Variants in VPS13B observed in about 807,000 individuals in gnomAD.
The protein encoded by VPS13B is intermembrane lipid transfer protein VPS13B.
Under a neutral mutation model 426.4 loss-of-function variants are expected in VPS13B, and 285 were observed. The ratio of observed to expected loss-of-function variants is 0.67; its 90% CI spans 0.61 to 0.74. The LOEUF (loss-of-function observed/expected upper bound fraction) is 0.74, where lower values mean the gene tolerates loss of function less well. VPS13B is among the 30% of genes least tolerant of loss of function. The pLI is 0.00. For missense variants in VPS13B, 4,537 were observed against 4,782.6 expected, an observed-to-expected ratio of 0.95 and a Z score of 1.51; for synonymous variants, 1,676 against 1,676.4, an observed-to-expected ratio of 1.00 and a Z score of 0.01.
intron 19 of VPS13B, among the ~76,000 whole-genome samples, chr8:99,294,987 T>C (rs763297924): frequency 2.0e-5 from 3 of 152,174 alleles, no homozygotes; most frequent in Non-Finnish European, 4.4e-5. Flanking sequence ...TTTTAGTTGA[T>C]GTGTTAAAAA....
At chr8:99,415,896 G>A (rs1476096433) in intron 21 of VPS13B, among the ~76,000 whole-genome samples, 2 of 152,136 alleles carry the variant, frequency 1.3e-5, no homozygotes, top group Non-Finnish European at 2.9e-5. Flanking sequence ...CGGGGGTCGG[G>A]GACCCACTTG....
intron 22 of VPS13B, among the ~76,000 whole-genome samples, chr8:99,433,802 T>C (rs1817236614): frequency 6.6e-6 from 1 of 152,092 alleles, no homozygotes; most frequent in South Asian, 2.1e-4. Context: ...CAGTTAACTT[T>C]TTGTTTGTTT....
rs189142081 is a variant in VPS13B, at chr8:99,081,799, T to C, written c.292-14513T>C. On this transcript the variant is annotated intron_variant, in intron 3 of 61. Coordinates refer to ENST00000357162, the MANE Select transcript of VPS13B (RefSeq NM_152564.5). ...CTACAAAGGACATTAACTCATCATTTTTTATGGCTGCATAGTATTCCATCG... is the reference window on the plus strand; with the variant it reads ...CTACAAAGGACATTAACTCATCATTCTTTATGGCTGCATAGTATTCCATCG... 1.1e-3 allele frequency among the ~76,000 whole-genome samples: 161 copies of C among 152,250 alleles called. 2 individuals are homozygous for C. The East Asian group carries it at 0.03, about 28-fold the overall frequency.
intron 17 of VPS13B, among the ~76,000 whole-genome samples, chr8:99,202,068 T>C (rs769278863): frequency 1.3e-5 from 2 of 152,216 alleles, no homozygotes; most frequent in Non-Finnish European, 2.9e-5. Flanking sequence ...TCTAAAGATA[T>C]TACCTATGGA....
chr8:99,310,199 G>A (rs1820876038), intron 19 of VPS13B, among the ~76,000 whole-genome samples: 3 of 152,080 alleles, frequency 2.0e-5, no homozygotes, highest in Admixed American at 6.5e-5. Context: ...GATTGCCCTG[G>A]CCAGAACTTC....
At chr8:99,030,641 A>G (rs1842467933) in intron 2 of VPS13B, among the ~76,000 whole-genome samples, 1 of 152,228 alleles carries the variant, frequency 6.6e-6, no homozygotes, top group Admixed American at 6.5e-5. Context: ...TGCGTAAAGT[A>G]TATGATAATC....
At chr8:99,719,498 C>T (rs544319145) in intron 37 of VPS13B, among the ~76,000 whole-genome samples, 4 of 152,148 alleles carry the variant, frequency 2.6e-5, no homozygotes, top group Non-Finnish European at 5.9e-5. Context: ...TTAAAACTTA[C>T]CCACACGATA....
chr8:99,723,600 G>A (rs11782133), intron 39 of VPS13B, among the ~76,000 whole-genome samples: 3,467 of 152,118 alleles, frequency 0.023, 55 homozygotes, highest in Middle Eastern at 0.082. Context: ...GCACAGGCTA[G>A]ACCAAGGAGA....
chr8:99,397,645 G>A (rs1384364401), intron 21 of VPS13B, among the ~76,000 whole-genome samples: 1 of 152,134 alleles, frequency 6.6e-6, no homozygotes, highest in East Asian at 1.9e-4. Flanking sequence ...AAGCTATTAT[G>A]ATCTTTCAAG....
At chr8:99,177,688 C>T (rs955262235) in intron 16 of VPS13B, among the ~76,000 whole-genome samples, 2 of 152,156 alleles carry the variant, frequency 1.3e-5, no homozygotes, top group African/African-American at 4.8e-5. Context: ...TGATGCATTT[C>T]CAATTCCCTA....
chr8:99,075,946 T>C (rs1845096408), intron 3 of VPS13B, among the ~76,000 whole-genome samples: 1 of 152,172 alleles, frequency 6.6e-6, no homozygotes, highest in Non-Finnish European at 1.5e-5. Context: ...TTGAGAGTCA[T>C]CATTAGGTGG....
rs1249798166 is a variant in VPS13B, at chr8:99,743,269, C to T, written c.7050+22222C>T. Among the ~76,000 whole-genome samples, 5 of 152,000 alleles carry T rather than the reference C, an allele frequency of 3.3e-5. No individual in the cohort carries two copies. The East Asian group carries it at 5.8e-4, about 18-fold the overall frequency. On this transcript the variant is annotated intron_variant, in intron 39 of 61. Transcript: ENST00000357162. ...ACCTAGGAATCCAACTTACAAGGGA[C>T]ATGAAGGACCTCTTCAAGGAGAACT...
At chr8:99,146,131 G>A (rs1810714598) in intron 13 of VPS13B, among the ~76,000 whole-genome samples, 1 of 152,114 alleles carries the variant, frequency 6.6e-6, no homozygotes, top group African/African-American at 2.4e-5. Context: ...AACTGCATAT[G>A]TCTTTTGCTC....
intron 17 of VPS13B, among the ~76,000 whole-genome samples, chr8:99,205,370 G>T (rs1423699963): frequency 3.3e-5 from 5 of 152,162 alleles, no homozygotes; most frequent in Non-Finnish European, 7.3e-5. Context: ...AGGGGGATAG[G>T]GGAGGGATAG....
At chr8:99,238,401 T>TG (rs966425052) in intron 17 of VPS13B, among the ~76,000 whole-genome samples, 1 of 152,116 alleles carries the variant, frequency 6.6e-6, no homozygotes, top group Non-Finnish European at 1.5e-5. Context: ...TAGTCCACTC[T>TG]GGGGGGATTA....
rs1814509273 is a variant in VPS13B at position 99,823,714 on chromosome 8, G to A, written c.9184-118G>A. On this transcript the variant is annotated intron_variant, in intron 50 of 61. Transcript: ENST00000357162. Reference sequence around the variant, plus strand: ...ATTAAATATTCTGGGGAAAAACAAAGGTAAAATTGGTACTGTCCTGGCAGA... The same window carrying A: ...ATTAAATATTCTGGGGAAAAACAAAAGTAAAATTGGTACTGTCCTGGCAGA... The A allele has an allele frequency of 2.8e-6, 3 of 1,087,112 alleles. 1 individual carries two copies. Among genetic ancestry groups the A allele is most frequent in the Admixed American group, 3.7e-5 (2 of 54,134 alleles). The allele number at this position is 1,087,112 out of a possible 1,614,324, so 67.3% of individuals were successfully genotyped here.
chr8:99,782,521 C>T (rs1201727769), intron 42 of VPS13B, among the ~76,000 whole-genome samples: 2 of 151,758 alleles, frequency 1.3e-5, no homozygotes, highest in Admixed American at 1.3e-4. Context: ...TAAAACCAAC[C>T]TTAAAACAGG....
intron 19 of VPS13B, among the ~76,000 whole-genome samples, chr8:99,314,813 A>C (rs566494218): frequency 6.6e-6 from 1 of 152,296 alleles, no homozygotes; most frequent in African/African-American, 2.4e-5. Flanking sequence ...TGTTGGGTGC[A>C]TATATGTTTA....
At chr8:99,322,161 C>T (rs1289055939) in intron 19 of VPS13B, among the ~76,000 whole-genome samples, 1 of 152,060 alleles carries the variant, frequency 6.6e-6, no homozygotes, top group East Asian at 1.9e-4. Context: ...TAATTTTGTT[C>T]TTTTCCTAGA....
Sources: gnomAD v4.1 joint callset for allele counts (sites outside exome capture counted in the v4.1 genomes callset) on GRCh38, gnomAD v4.1.1 for gene constraint, MANE v1.5 for transcripts, NCBI Gene and HGNC (gene_info 2026-07-23, HGNC 2026-07-21) for gene names.